BAHCC1: variants seen among roughly 807,000 people sequenced by gnomAD.
BAHCC1 encodes the protein BAH domain and coiled-coil containing 1, also known as BAH and coiled-coil domain-containing protein 1.
In BAHCC1, 43 loss-of-function variants were observed where a neutral mutation model predicts 88.2. That is an observed-to-expected ratio of 0.49 (90% CI 0.38 to 0.63). The LOEUF (loss-of-function observed/expected upper bound fraction) is 0.63, where lower values mean the gene tolerates loss of function less well. BAHCC1 is among the 20% of genes least tolerant of loss of function. The pLI is 0.00. For synonymous variants in BAHCC1, 1,510 were observed against 745.5 expected (o/e 2.03, Z -16.71); for missense variants, 3,023 against 1,654.8 (o/e 1.83, Z -14.34).
intron 2 of BAHCC1, among the ~76,000 whole-genome samples, chr17:81,417,141 G>A (rs1212785697): frequency 1.3e-5 from 2 of 152,152 alleles, no homozygotes; most frequent in Admixed American, 6.5e-5. Context: ...GGATTCCTGG[G>A]CTGGGGTGTG....
Position 81,411,380 on chromosome 17 carries a change from G to GCACTGCTGGCTCCATCCTC in BAHCC1, c.178+11470_178+11488dup, listed in dbSNP as rs2063948257. ...AGGCACCGGTGCCCTGTGGGTGGGA[G>GCACTGCTGGCTCCATCCTC]CACTGCTGGCTCCATCCTCCACTGC... On this transcript the variant is annotated intron_variant, in intron 2 of 27. Transcript: ENST00000675386. The surrounding 1 kb of genome is among the most constrained non-coding windows in gnomAD (Gnocchi z 6.2). 7.1e-6 allele frequency among the ~76,000 whole-genome samples: 1 copy of GCACTGCTGGCTCCATCCTC among 141,274 alleles called. No homozygotes were observed. The highest frequency in any genetic ancestry group is 2.6e-5 in the African/African-American group (1 of 39,132). 92.7% of individuals were successfully genotyped at this position (141,274 alleles called of 152,430 possible).
chr17:81,418,812 T>TGTGTGTGTGTAC (rs2064075068), intron 2 of BAHCC1, among the ~76,000 whole-genome samples: 9 of 6,558 alleles, frequency 1.4e-3, no homozygotes, highest in East Asian at 0.026. Context: ...TGTGTGTACG[T>TGTGTGTGTGTAC]GTGTGTGTGT....
rs528954952 is a variant in BAHCC1, at chr17:81,444,798, C to G, written c.2643C>G (p.Pro881=). 6 of 778,296 alleles carry G rather than the reference C, an allele frequency of 7.7e-6. No homozygotes were observed. In the East Asian group the frequency reaches 1.5e-4, roughly 19 times the overall value. The allele number at this position is 778,296 out of a possible 1,614,324, so 48.2% of individuals were successfully genotyped here. ...PTQLVILPSE[P]TPHSAPHALA... ...AGCTGGTCATCCTGCCCTCAGAGCC[C>G]ACACCCCACAGCGCCCCCCACGCAC... The change falls in exon 8 of 28, where the codon CCC becomes CCG. Residue 881 remains proline (P), a synonymous_variant. Coordinates refer to ENST00000675386, the MANE Select transcript of BAHCC1 (RefSeq NM_001377448.1).
rs1047577884 is a variant in BAHCC1 at position 81,434,391 on chromosome 17, C to G, written c.359-3979C>G. On this transcript the variant is annotated intron_variant, in intron 3 of 27. Transcript: ENST00000675386. The surrounding 1 kb of genome is among the most constrained non-coding windows in gnomAD (Gnocchi z 4.9). ...GTGGGAGGCCAGCGTGGCAGACCTTCCCCCAGGGAGGAGGCACTGCCGTTT... is the reference window on the plus strand; with the variant it reads ...GTGGGAGGCCAGCGTGGCAGACCTTGCCCCAGGGAGGAGGCACTGCCGTTT... Among the ~76,000 whole-genome samples the G allele has an allele frequency of 6.6e-6, 1 of 152,192 alleles. No homozygotes were observed. The highest frequency in any genetic ancestry group is 6.5e-5 in the Admixed American group (1 of 15,282).
In BAHCC1 at chr17:81,443,888, G is replaced by T; in HGVS notation, c.2295G>T (p.Leu765=). The T allele has an allele frequency of 1.4e-6, 1 of 713,356 alleles. No homozygotes were observed. The allele number at this position is 713,356 out of a possible 1,614,324, so 44.2% of individuals were successfully genotyped here. Residue 765 remains leucine, a synonymous_variant, in exon 6 of 28, where the codon CTG becomes CTT. Coordinates refer to ENST00000675386, the MANE Select transcript of BAHCC1 (RefSeq NM_001377448.1). ...EERTRLCDDR[L]GLASRELLLQ... ...GGACGAGGCTATGTGATGACCGCCT[G>T]GGGCTTGCCAGCCGCGAGCTGCTGC... is the stretch of plus-strand genomic sequence containing the variant.
intron 23 of BAHCC1, 56 bp from the exon 24 acceptor site, chr17:81,460,221 C>G (rs529646206): frequency 1.2e-4 from 89 of 712,354 alleles, no homozygotes; most frequent in Non-Finnish European, 2.1e-4. Context: ...CCCCGCCTCC[C>G]TGTTTCGGGC....
intron 2 of BAHCC1, chr17:81,409,974 C>T (rs983035952): frequency 4.2e-6 from 1 of 237,328 alleles, no homozygotes; most frequent in Non-Finnish European, 9.2e-6. Flanking sequence ...CCCTGCCAAG[C>T]CACCTTGGCT....
chr17:81,444,507 C>A lies in BAHCC1; in HGVS notation c.2451C>A (p.Pro817=), dbSNP rs1555653726. 2.9e-6 allele frequency: 2 copies of A among 701,324 alleles called. No individual in the cohort carries two copies. Among genetic ancestry groups the A allele is most frequent in the Admixed American group, 4.0e-5 (2 of 49,472 alleles). The allele number at this position is 701,324 out of a possible 1,614,324, so 43.4% of individuals were successfully genotyped here. ...LGGDPAPHTH[P]HPPWLPRTRS... The stretch of plus-strand genomic sequence containing the variant: ...GGGACCCAGCCCCCCACACCCACCC[C>A]CATCCCCCCTGGCTGCCCCGCACCC... The change falls in exon 7 of 28, where the codon CCC becomes CCA. Residue 817 remains proline, a synonymous_variant. Coordinates refer to ENST00000675386, the MANE Select transcript of BAHCC1 (RefSeq NM_001377448.1).
Position 81,451,884 on chromosome 17 carries a change from C to A in BAHCC1, c.4179+14C>A, listed in dbSNP as rs782293598. ...AAGACCAAGCCTGTGAGTGGAGGTC[C>A]CAGTGCCCACGTCGCCCAGTGCGTT... On this transcript the variant is annotated intron_variant, in intron 12 of 27. Transcript: ENST00000675386. 1 of 714,398 alleles carries A rather than the reference C, an allele frequency of 1.4e-6. No individual in the cohort carries two copies. The highest frequency in any genetic ancestry group is 2.6e-6 in the Non-Finnish European group (1 of 390,262). 44.3% of individuals were successfully genotyped at this position (714,398 alleles called of 1,614,324 possible). A position where few individuals can be genotyped will look rare whatever the true frequency, so the allele number is the denominator to read the frequency against.
chr17:81,425,903 A>T (rs2064187095), intron 2 of BAHCC1, among the ~76,000 whole-genome samples: 3 of 97,762 alleles, frequency 3.1e-5, no homozygotes, highest in African/African-American at 4.2e-5. Context: ...TTGGTGGGTG[A>T]TGTCATTGGT....
chr17:81,434,396 A>G lies in BAHCC1; in HGVS notation c.359-3974A>G, dbSNP rs72853246. On this transcript the variant is annotated intron_variant, in intron 3 of 27. Transcript: ENST00000675386. The surrounding 1 kb of genome is among the most constrained non-coding windows in gnomAD (Gnocchi z 4.9). ...AGGCCAGCGTGGCAGACCTTCCCCCAGGGAGGAGGCACTGCCGTTTGTCAG... is the reference window on the plus strand; with the variant it reads ...AGGCCAGCGTGGCAGACCTTCCCCCGGGGAGGAGGCACTGCCGTTTGTCAG... Among the ~76,000 whole-genome samples, 8,014 of 152,230 alleles carry G rather than the reference A, an allele frequency of 0.053. 278 individuals are homozygous for G. The highest frequency in any genetic ancestry group is 0.12 in the Middle Eastern group (36 of 294).
chr17:81,441,060 C>T (rs1401406730), intron 4 of BAHCC1, among the ~76,000 whole-genome samples: 1 of 151,812 alleles, frequency 6.6e-6, no homozygotes, highest in Non-Finnish European at 1.5e-5. Context: ...TCACTGCCTG[C>T]CCCGCGTCCC....
At chr17:81,400,204 C>T (rs2063796818) in intron 2 of BAHCC1, among the ~76,000 whole-genome samples, 1 of 152,212 alleles carries the variant, frequency 6.6e-6, no homozygotes, top group South Asian at 2.1e-4. Context: ...CCTCCCCCGC[C>T]CCCTCCTGCA....
rs1305010434 is a variant in BAHCC1, at chr17:81,411,893, CTTACCATCGTATCCCTGCATCCGA to C, written c.178+11977_178+12000del. 1.4e-4 allele frequency among the ~76,000 whole-genome samples: 21 copies of C among 152,236 alleles called. No homozygotes were observed. The highest frequency in any genetic ancestry group is 4.8e-4 in the African/African-American group (20 of 41,462). Reference sequence around the variant, plus strand: ...GGTCACTCTTCCCTCCAGCTCAGCGCTTACCATCGTATCCCTGCATCCGAGGGTAGCTTTGCCACAGGAAGCATT... The same window carrying C: ...GGTCACTCTTCCCTCCAGCTCAGCGCGGGTAGCTTTGCCACAGGAAGCATT... On this transcript the variant is annotated intron_variant, in intron 2 of 27. Coordinates refer to ENST00000675386, the MANE Select transcript of BAHCC1 (RefSeq NM_001377448.1). This position sits in a 1 kb window ranked among gnomAD's most constrained non-coding sequence, Gnocchi z 6.2.
chr17:81,413,161 T>G (rs1555648101), intron 2 of BAHCC1: 1 of 435,780 alleles, frequency 2.3e-6, no homozygotes, highest in Non-Finnish European at 4.6e-6. Flanking sequence ...AACCCCAGAG[T>G]GGGCCGTCGG....
intron 3 of BAHCC1, among the ~76,000 whole-genome samples, chr17:81,438,029 C>G (rs2064359473): frequency 6.6e-6 from 1 of 152,232 alleles, no homozygotes. Flanking sequence ...CACCGTGCCC[C>G]CTCCTCCCAC....
chr17:81,436,998 C>T (rs2064346097), intron 3 of BAHCC1, among the ~76,000 whole-genome samples: 1 of 152,254 alleles, frequency 6.6e-6, no homozygotes, highest in Admixed American at 6.5e-5. Context: ...TCAAGCTCCA[C>T]AGATTTCCCT....
intron 2 of BAHCC1, among the ~76,000 whole-genome samples, chr17:81,415,995 T>C (rs1266435421): frequency 4.7e-5 from 7 of 150,430 alleles, no homozygotes; most frequent in African/African-American, 1.7e-4. Flanking sequence ...TCCATGAGGA[T>C]GGGTGTATGC....
intron 15 of BAHCC1, among the ~76,000 whole-genome samples, chr17:81,455,702 T>G (rs1215395264): frequency 6.6e-6 from 1 of 152,194 alleles, no homozygotes; most frequent in Non-Finnish European, 1.5e-5. Context: ...AGGCCCTGCC[T>G]TTCTTCAGGT....
Sources: allele counts gnomAD v4.1 joint callset (sites outside exome capture counted in the v4.1 genomes callset), GRCh38; gene constraint gnomAD v4.1.1; non-coding constraint Gnocchi (gnomAD v3.1); transcripts MANE v1.5; gene names NCBI Gene and HGNC (gene_info 2026-07-23, HGNC 2026-07-21).